The following SLC24A2 variants were observed in gnomAD, a reference collection of about 807,000 sequenced individuals.
SLC24A2 encodes the protein sodium/potassium/calcium exchanger 2.
SLC24A2 carries 36 observed loss-of-function variants against 62.0 expected under a neutral mutation model. The ratio of observed to expected loss-of-function variants is 0.58; its 90% confidence interval spans 0.44 to 0.77. SLC24A2 has a LOEUF of 0.77. Among genes scored for constraint, SLC24A2 ranks in the 30% least tolerant of loss-of-function variants. The pLI, the probability that SLC24A2 is intolerant of heterozygous loss-of-function variation, is 0.00. For missense variants in SLC24A2, 846 were observed against 817.9 expected (o/e 1.03, Z -0.42); for synonymous variants, 358 against 294.0 (o/e 1.22, Z -2.23).
intron 8 of SLC24A2, among the ~76,000 whole-genome samples, chr9:19,546,862 G>A (rs1024552711): frequency 1.3e-5 from 2 of 152,182 alleles, no homozygotes; most frequent in South Asian, 4.1e-4. Flanking sequence ...AAGACTGTGG[G>A]AAAAGCACAG....
chr9:20,262,146 G>A, the SLC24A2 span, among the ~76,000 whole-genome samples: 1 of 152,164 alleles, frequency 6.6e-6, no homozygotes, highest in African/African-American at 2.4e-5. Context: ...AAATAATGCT[G>A]TAATACTATT....
chr9:19,729,057 T>C (rs1000903946), intron 2 of SLC24A2, among the ~76,000 whole-genome samples: 13 of 152,060 alleles, frequency 8.5e-5, no homozygotes, highest in African/African-American at 3.1e-4. Context: ...AAATGTCTGG[T>C]GCATGAATAA....
At chr9:19,893,698 T>A in the SLC24A2 span, among the ~76,000 whole-genome samples, 1 of 152,242 alleles carries the variant, frequency 6.6e-6, no homozygotes, top group Admixed American at 6.5e-5. Context: ...GCTGAAGGTC[T>A]CATTGTTGGT....
chr9:19,846,954 C>A, the SLC24A2 span, among the ~76,000 whole-genome samples: 2 of 151,906 alleles, frequency 1.3e-5, no homozygotes, highest in African/African-American at 4.8e-5. Context: ...CTTGGAATGT[C>A]GAGGCTGCAG....
At chr9:19,887,122 T>A in the SLC24A2 span, among the ~76,000 whole-genome samples, 8 of 152,014 alleles carry the variant, frequency 5.3e-5, no homozygotes, top group Non-Finnish European at 8.8e-5. Context: ...AGGTGATGAG[T>A]TGATAGGTGC....
the SLC24A2 span, among the ~76,000 whole-genome samples, chr9:19,903,494 C>T: frequency 6.6e-6 from 1 of 152,164 alleles, no homozygotes; most frequent in Admixed American, 6.5e-5. Context: ...TGGGAAAACA[C>T]AAACATGCAG....
At chr9:19,650,347 G>A (rs1044138240) in intron 2 of SLC24A2, among the ~76,000 whole-genome samples, 8 of 152,174 alleles carry the variant, frequency 5.3e-5, no homozygotes, top group African/African-American at 1.9e-4. Context: ...GAGAAACAGA[G>A]CCCAAAATGG....
chr9:19,766,938 T>A lies in SLC24A2; in HGVS notation c.930+18999A>T, dbSNP rs145145691. Reference sequence around the variant, plus strand: ...GCTCTGCCCCAGGGAGATGGGAGTTTTATCTATAAGTCCCTGACTGAGGCT... The same window carrying A: ...GCTCTGCCCCAGGGAGATGGGAGTTATATCTATAAGTCCCTGACTGAGGCT... On this transcript the variant is annotated intron_variant, in intron 2 of 10. Transcript: ENST00000341998. Among the ~76,000 whole-genome samples, 609 of 152,256 alleles carry A rather than the reference T, an allele frequency of 4.0e-3. 6 individuals are homozygous for A. Among genetic ancestry groups the A allele is most frequent in the African/African-American group, 0.014 (582 of 41,538 alleles).
At chr9:20,268,154 C>T in the SLC24A2 span, among the ~76,000 whole-genome samples, 2 of 152,168 alleles carry the variant, frequency 1.3e-5, no homozygotes, top group Non-Finnish European at 2.9e-5. Flanking sequence ...GGAAGCATGG[C>T]TTAGGATTCA....
intron 8 of SLC24A2, among the ~76,000 whole-genome samples, chr9:19,540,482 T>A (rs2132704866): frequency 6.6e-6 from 1 of 151,598 alleles, no homozygotes; most frequent in East Asian, 1.9e-4. Flanking sequence ...TTTGCCTGGA[T>A]ATGAAATTCT....
the SLC24A2 span, among the ~76,000 whole-genome samples, chr9:20,252,276 T>G: frequency 2.0e-5 from 3 of 152,194 alleles, no homozygotes; most frequent in African/African-American, 7.2e-5. Context: ...TTGCCTTAGA[T>G]TTATGTAGCA....
At chr9:20,227,536 A>C in the SLC24A2 span, among the ~76,000 whole-genome samples, 1 of 39,322 alleles carries the variant, frequency 2.5e-5, no homozygotes, top group East Asian at 4.6e-3. Flanking sequence ...ACACATTTCT[A>C]AAAAAAAAAA....
chr9:19,829,655 C>T, the SLC24A2 span, among the ~76,000 whole-genome samples: 1 of 151,346 alleles, frequency 6.6e-6, no homozygotes, highest in South Asian at 2.1e-4. Flanking sequence ...CACTTGAGCC[C>T]AAGAGTTAGA....
chr9:20,284,362 C>T, the SLC24A2 span, among the ~76,000 whole-genome samples: 72 of 152,018 alleles, frequency 4.7e-4, no homozygotes, highest in African/African-American at 1.6e-3. Context: ...ACAGCAGGCT[C>T]GAACTCCTAG....
At chr9:19,754,813 T>C (rs931604520) in intron 2 of SLC24A2, among the ~76,000 whole-genome samples, 2 of 152,084 alleles carry the variant, frequency 1.3e-5, no homozygotes, top group Non-Finnish European at 1.5e-5. Flanking sequence ...CCGATTCCTC[T>C]CCTGCTCGAC....
chr9:20,150,285 G>A, the SLC24A2 span, among the ~76,000 whole-genome samples: 19 of 151,914 alleles, frequency 1.3e-4, no homozygotes, highest in African/African-American at 4.6e-4. Context: ...GATGCCTGTG[G>A]TTCCTTAAAA....
chr9:19,988,784 G>A, the SLC24A2 span, among the ~76,000 whole-genome samples: 1 of 152,140 alleles, frequency 6.6e-6, no homozygotes, highest in African/African-American at 2.4e-5. Context: ...ACAAAACCAA[G>A]ATCAGAAGAA....
chr9:19,806,133 C>A, the SLC24A2 span, among the ~76,000 whole-genome samples: 3 of 152,026 alleles, frequency 2.0e-5, no homozygotes, highest in Non-Finnish European at 4.4e-5. Flanking sequence ...ATATAATTGT[C>A]TAGGAAAACT....
intron 2 of SLC24A2, among the ~76,000 whole-genome samples, chr9:19,626,564 AC>A (rs1206951948): frequency 6.6e-6 from 1 of 152,156 alleles, no homozygotes; most frequent in African/African-American, 2.4e-5. Flanking sequence ...TATGCCAAGG[AC>A]CTGGAAGCAT....
Sources: gnomAD v4.1 joint callset for allele counts (sites outside exome capture counted in the v4.1 genomes callset) on GRCh38, gnomAD v4.1.1 for gene constraint, MANE v1.5 for transcripts, NCBI Gene and HGNC (gene_info 2026-07-23, HGNC 2026-07-21) for gene names.